The following RGS7 variants were observed in gnomAD, a reference collection of about 807,000 sequenced individuals.
RGS7 encodes regulator of G-protein signaling 7.
In RGS7, 27 loss-of-function variants were observed where a neutral mutation model predicts 81.1. The ratio of observed to expected loss-of-function variants is 0.33; its 90% CI spans 0.25 to 0.46. The LOEUF (loss-of-function observed/expected upper bound fraction) is 0.46. RGS7 is among the 20% of genes least tolerant of loss of function. RGS7 has a pLI of 1.00. For synonymous variants in RGS7, 208 were observed against 207.7 expected (o/e 1.00, Z -0.01); for missense variants, 396 against 607.4 (o/e 0.65, Z 3.66).
At chr1:240,842,409 C>T (rs1321698817) in intron 9 of RGS7, among the ~76,000 whole-genome samples, 1 of 151,630 alleles carries the variant, frequency 6.6e-6, no homozygotes, top group African/African-American at 2.4e-5. Context: ...TCAGGTTGGT[C>T]TCAAACTCCT....
chr1:241,078,760 T>C, intron 3 of RGS7, among the ~76,000 whole-genome samples: 1 of 152,168 alleles, frequency 6.6e-6, no homozygotes, highest in East Asian at 1.9e-4. Context: ...TGGTAGAGTA[T>C]GAGCACTTAA....
Position 241,009,579 on chromosome 1 carries a change from G to A in RGS7, c.176-26450C>T, listed in dbSNP as rs567441980. Among the ~76,000 whole-genome samples the A allele has an allele frequency of 2.0e-5, 3 of 152,318 alleles. No homozygotes were observed. The South Asian group carries it at 6.2e-4, about 32-fold the overall frequency. Reference sequence around the variant, plus strand: ...TATGAAACTGCCCCATAGCCTTGGAGGTTAGAGTTCAAATAGGAGGTACCA... The same window carrying A: ...TATGAAACTGCCCCATAGCCTTGGAAGTTAGAGTTCAAATAGGAGGTACCA... On this transcript the variant is annotated intron_variant, in intron 3 of 18. Coordinates refer to ENST00000440928, the MANE Select transcript of RGS7 (RefSeq NM_001364886.1).
chr1:241,111,954 T>C (rs901294201), intron 2 of RGS7, among the ~76,000 whole-genome samples: 4 of 152,212 alleles, frequency 2.6e-5, no homozygotes, highest in African/African-American at 9.6e-5. Context: ...ATGTAGGTGA[T>C]TCTTCTCTCA....
chr1:240,843,927 C>G (rs781371668), intron 9 of RGS7, among the ~76,000 whole-genome samples: 1 of 152,094 alleles, frequency 6.6e-6, no homozygotes, highest in Non-Finnish European at 1.5e-5. Flanking sequence ...ATAATGACTG[C>G]TCTCTGTGAA....
intron 6 of RGS7, among the ~76,000 whole-genome samples, chr1:240,895,486 G>A (rs920685118): frequency 6.6e-6 from 1 of 151,782 alleles, no homozygotes; most frequent in Non-Finnish European, 1.5e-5. Flanking sequence ...CCCATCCTGT[G>A]TCCATGTGTT....
At chr1:241,189,855 T>C (rs563636707) in intron 2 of RGS7, among the ~76,000 whole-genome samples, 244 of 151,964 alleles carry the variant, frequency 1.6e-3, no homozygotes, top group Admixed American at 1.0e-3. Flanking sequence ...GTGGCTCACG[T>C]CTGTAATCCC....
chr1:240,943,692 G>C (rs1558503837), intron 4 of RGS7, among the ~76,000 whole-genome samples: 1 of 152,124 alleles, frequency 6.6e-6, no homozygotes, highest in Non-Finnish European at 1.5e-5. Context: ...ATCCCAAAAA[G>C]AAATTAGGGA....
intron 3 of RGS7, among the ~76,000 whole-genome samples, chr1:241,007,196 T>C (rs1167661596): frequency 6.6e-6 from 1 of 151,920 alleles, no homozygotes; most frequent in African/African-American, 2.4e-5. Context: ...GGATTACAGG[T>C]GTGAGCCACT....
At chr1:241,224,165 T>TA (rs2075177522) in intron 2 of RGS7, among the ~76,000 whole-genome samples, 1 of 152,100 alleles carries the variant, frequency 6.6e-6, no homozygotes, top group Non-Finnish European at 1.5e-5. Context: ...GTTACATAGT[T>TA]ATACACGTGC....
At chr1:241,168,055 T>C (rs1255205892) in intron 2 of RGS7, among the ~76,000 whole-genome samples, 1 of 152,198 alleles carries the variant, frequency 6.6e-6, no homozygotes, top group African/African-American at 2.4e-5. Flanking sequence ...TCTTAACCAA[T>C]ATGGACTCTT....
intron 9 of RGS7, among the ~76,000 whole-genome samples, chr1:240,863,172 T>G (rs1481319346): frequency 6.6e-6 from 1 of 152,092 alleles, no homozygotes; most frequent in African/African-American, 2.4e-5. Flanking sequence ...AAATATAGTT[T>G]ATATATTTTA....
chr1:241,282,683 T>C (rs1172622935), intron 2 of RGS7, among the ~76,000 whole-genome samples: 2 of 152,242 alleles, frequency 1.3e-5, no homozygotes, highest in African/African-American at 2.4e-5. Flanking sequence ...CCATTAATAA[T>C]AATGCTAGCT....
In RGS7 at chr1:240,816,367, T is replaced by C. The variant is rs1237935531; in HGVS notation, c.733A>G (p.Thr245Ala). 1 of 1,612,244 alleles carries C rather than the reference T, an allele frequency of 6.2e-7. No individual in the cohort carries two copies. The highest frequency in any genetic ancestry group is 8.5e-7 in the Non-Finnish European group (1 of 1,178,494). The change falls in exon 11 of 19, where the codon ACA (threonine) becomes GCA (alanine). Residue 245 changes from threonine (T) to alanine (A), a missense_variant. Physicochemically the swap from Thr to Ala is moderately conservative, Grantham distance 58. Transcript: ENST00000440928. ...GGAGGTTTAGTTTCTGGTGTGGGTG[T>C]GTGGGTAGGACTGTGACTTCTAATA... ...NDIRSHSPTH[T>A]PTPETKPPTE... is the part of the protein sequence containing the mutation.
intron 3 of RGS7, among the ~76,000 whole-genome samples, chr1:241,078,914 C>T (rs753115715): frequency 8.5e-5 from 13 of 152,060 alleles, no homozygotes; most frequent in South Asian, 2.1e-4. Context: ...CCTCTACCAC[C>T]GGTATGTACT....
chr1:241,198,828 G>A (rs375650555), intron 2 of RGS7, among the ~76,000 whole-genome samples: 3 of 152,178 alleles, frequency 2.0e-5, no homozygotes, highest in South Asian at 2.1e-4. Context: ...TTTTCCAGCT[G>A]TTTTTTTGAG....
rs58610723 is a variant in RGS7 at position 241,144,926 on chromosome 1, GGTGTGT to G, written c.79-46170_79-46165del. 1.5e-3 allele frequency among the ~76,000 whole-genome samples: 209 copies of G among 141,926 alleles called. 1 individual carries two copies. Among genetic ancestry groups the G allele is most frequent in the African/African-American group, 3.3e-3 (122 of 37,406 alleles). 93.1% of individuals were successfully genotyped at this position (141,926 alleles called of 152,430 possible). ...TCAGTATGTGTTGGCAGGGCAGGATGGTGTGTGTGTGTGTGTGTGTGTGTGTGTGTG... is the reference window on the plus strand; with the variant it reads ...TCAGTATGTGTTGGCAGGGCAGGATGGTGTGTGTGTGTGTGTGTGTGTGTG... On this transcript the variant is annotated intron_variant, in intron 2 of 18. Coordinates refer to ENST00000440928, the MANE Select transcript of RGS7 (RefSeq NM_001364886.1). This position sits in a 1 kb window ranked among gnomAD's most constrained non-coding sequence, Gnocchi z 4.7.
chr1:241,220,014 A>C (rs2074801223), intron 2 of RGS7, among the ~76,000 whole-genome samples: 1 of 152,194 alleles, frequency 6.6e-6, no homozygotes, highest in South Asian at 2.1e-4. Context: ...ATGATACCAC[A>C]GGATTTGCTA....
intron 2 of RGS7, among the ~76,000 whole-genome samples, chr1:241,279,815 T>C (rs1324834315): frequency 6.6e-6 from 1 of 152,256 alleles, no homozygotes; most frequent in Non-Finnish European, 1.5e-5. Context: ...TTATATGATA[T>C]GTAAACTTCT....
intron 2 of RGS7, among the ~76,000 whole-genome samples, chr1:241,330,734 C>T (rs1363421580): frequency 2.0e-5 from 3 of 152,214 alleles, no homozygotes; most frequent in African/African-American, 7.2e-5. Flanking sequence ...CCACACCACA[C>T]AGCAAAATAA....
Sources: gnomAD v4.1 joint callset for allele counts (sites outside exome capture counted in the v4.1 genomes callset) on GRCh38, gnomAD v4.1.1 for gene constraint, Gnocchi (gnomAD v3.1) non-coding constraint, MANE v1.5 for transcripts, NCBI Gene and HGNC (gene_info 2026-07-23, HGNC 2026-07-21) for gene names.